The following CTNNA1 variants were observed in gnomAD, a reference collection of about 807,000 sequenced individuals.
The protein encoded by CTNNA1 is catenin alpha 1.
A neutral mutation model predicts 98.4 loss-of-function variants in CTNNA1; 37 were observed. The observed-to-expected ratio is 0.38, with a 90% CI of 0.29 to 0.49. The LOEUF (loss-of-function observed/expected upper bound fraction) is 0.49. Among genes scored for constraint, CTNNA1 ranks in the 20% least tolerant of loss-of-function variants. The probability of loss-of-function intolerance (pLI) is 0.95; values close to 1 mark genes in which losing one functional copy is unlikely to be tolerated. For missense variants in CTNNA1, 761 were observed against 1,147.2 expected, an observed-to-expected ratio of 0.66 and a Z score of 4.86; for synonymous variants, 404 against 413.2, an observed-to-expected ratio of 0.98 and a Z score of 0.27.
intron 11 of CTNNA1, among the ~76,000 whole-genome samples, chr5:138,921,596 ATT>A (rs386405098): frequency 6.7e-5 from 7 of 104,036 alleles, no homozygotes; most frequent in East Asian, 2.6e-4. Context: ...ATTAGTGGTG[ATT>A]TTTTTTTTTT....
Position 138,929,278 on chromosome 5 carries a change from G to A in CTNNA1, c.1932G>A (p.Glu644=), listed in dbSNP as rs1258599025. The change falls in exon 14 of 18, where the codon GAG becomes GAA. Residue 644 remains glutamate, a synonymous_variant. Coordinates refer to ENST00000302763, the MANE Select transcript of CTNNA1 (RefSeq NM_001903.5). Reference sequence around the variant, plus strand: ...AGGAGTTGGATGACTCTGACTTTGAGACAGAAGATTTTGATGTCAGAAGCA... The same window carrying A: ...AGGAGTTGGATGACTCTGACTTTGAAACAGAAGATTTTGATGTCAGAAGCA... ...TPEELDDSDF[E]TEDFDVRSRT... 6.2e-7 allele frequency: 1 copy of A among 1,610,206 alleles called. No individual in the cohort carries two copies. Among genetic ancestry groups the A allele is most frequent in the African/African-American group, 1.3e-5 (1 of 74,844 alleles).
At chr5:138,825,871 A>G (rs896433787) in intron 6 of CTNNA1, among the ~76,000 whole-genome samples, 1 of 152,180 alleles carries the variant, frequency 6.6e-6, no homozygotes, top group African/African-American at 2.4e-5. Context: ...GTTAAAATTT[A>G]CTAGCAATGT....
intron 1 of CTNNA1, among the ~76,000 whole-genome samples, chr5:138,772,545 C>G (rs983130153): frequency 2.6e-5 from 4 of 152,144 alleles, no homozygotes; most frequent in African/African-American, 7.2e-5. Flanking sequence ...TCTTGGGAGG[C>G]TTGTAAATAT....
intron 1 of CTNNA1, among the ~76,000 whole-genome samples, chr5:138,772,103 A>C (rs1753618300): frequency 6.6e-6 from 1 of 152,230 alleles, no homozygotes; most frequent in Non-Finnish European, 1.5e-5. Flanking sequence ...GCAGTTTGCC[A>C]GTTATCAGCC....
chr5:138,835,355 A>G (rs1326480821), intron 7 of CTNNA1, among the ~76,000 whole-genome samples: 1 of 152,210 alleles, frequency 6.6e-6, no homozygotes, highest in Non-Finnish European at 1.5e-5. Context: ...GTTTGCAGGT[A>G]CAGAGGCTGA....
chr5:138,778,212 T>C (rs1374887753), intron 1 of CTNNA1, among the ~76,000 whole-genome samples: 1 of 151,922 alleles, frequency 6.6e-6, no homozygotes, highest in Non-Finnish European at 1.5e-5. Context: ...ACCAGGATGG[T>C]TTCGATCTCC....
At chr5:138,806,085 C>T (rs1374705317) in intron 3 of CTNNA1, among the ~76,000 whole-genome samples, 1 of 152,162 alleles carries the variant, frequency 6.6e-6, no homozygotes, top group East Asian at 1.9e-4. Flanking sequence ...AGGGGTCCAA[C>T]TTAATTCTTT....
intron 10 of CTNNA1, among the ~76,000 whole-genome samples, chr5:138,905,842 A>T (rs1759130431): frequency 6.6e-6 from 1 of 152,236 alleles, no homozygotes; most frequent in African/African-American, 2.4e-5. Flanking sequence ...TCCCATGTGT[A>T]AATTGCTCAT....
intron 9 of CTNNA1, among the ~76,000 whole-genome samples, chr5:138,892,330 T>G (rs1055081807): frequency 5.1e-5 from 3 of 58,594 alleles, no homozygotes; most frequent in Non-Finnish European, 7.5e-5. Context: ...ATAGCTTAGT[T>G]TTTTTTTTTT....
chr5:138,930,705 C>A, intron 15 of CTNNA1, 51 bp downstream of exon 15: 1 of 1,584,352 alleles, frequency 6.3e-7, no homozygotes, highest in South Asian at 1.1e-5. Flanking sequence ...CTTTCTTCCC[C>A]ACAGGTCACC....
chr5:138,834,794 G>C (rs1308280279), intron 7 of CTNNA1, among the ~76,000 whole-genome samples: 3 of 152,204 alleles, frequency 2.0e-5, no homozygotes, highest in East Asian at 1.9e-4. Flanking sequence ...ACTTGCCTCT[G>C]TGTGAAGAGA....
rs758917236 is a variant in CTNNA1, at chr5:138,933,824, T to A, written c.2456T>A (p.Ile819Asn). 6.2e-7 allele frequency: 1 copy of A among 1,613,756 alleles called. No individual in the cohort carries two copies. The highest frequency in any genetic ancestry group is 8.5e-7 in the Non-Finnish European group (1 of 1,179,966). The change falls in exon 18 of 18, where the codon ATC (isoleucine) becomes AAC (asparagine). Residue 819 changes from isoleucine to asparagine, a missense_variant. Physicochemically the swap from Ile to Asn is moderately radical, Grantham distance 149. Transcript: ENST00000302763. ...VSGVDSAMSL[I>N]QAAKNLMNAV... ...TAGGTGGACAGCGCCATGTCCCTGA[T>A]CCAGGCAGCCAAGAACTTGATGAAT...
chr5:138,810,941 C>G (rs564774443), intron 4 of CTNNA1, among the ~76,000 whole-genome samples: 2 of 141,574 alleles, frequency 1.4e-5, no homozygotes, highest in Non-Finnish European at 3.2e-5. Context: ...ACCTCCCTCC[C>G]GGACGGGGCA....
chr5:138,781,472 C>T lies in CTNNA1; in HGVS notation c.-2-451C>T, dbSNP rs573751620. 6.6e-5 allele frequency among the ~76,000 whole-genome samples: 10 copies of T among 151,236 alleles called. No homozygotes were observed. The East Asian group carries it at 9.7e-4, about 15-fold the overall frequency. ...TTGGGAGGCTGAGGCCAGAGAATGG[C>T]GTGAACCCAGGAGGCGGAGCTTGCA... On this transcript the variant is annotated intron_variant, in intron 1 of 17. Transcript: ENST00000302763.
At chr5:138,828,997 G>A (rs1760995972) in intron 7 of CTNNA1, among the ~76,000 whole-genome samples, 1 of 152,086 alleles carries the variant, frequency 6.6e-6, no homozygotes, top group Non-Finnish European at 1.5e-5. Context: ...GGTGGCGCAC[G>A]CCTGGTCTCA....
At chr5:138,759,161 T>C (rs1442573894) in intron 1 of CTNNA1, among the ~76,000 whole-genome samples, 1 of 152,226 alleles carries the variant, frequency 6.6e-6, no homozygotes, top group Non-Finnish European at 1.5e-5. Flanking sequence ...TACTTTCCTG[T>C]ATCTTTGTAT....
intron 7 of CTNNA1, among the ~76,000 whole-genome samples, chr5:138,848,461 T>C (rs1561589434): frequency 6.6e-6 from 1 of 152,234 alleles, no homozygotes; most frequent in Non-Finnish European, 1.5e-5. Flanking sequence ...GCATTTATCA[T>C]TCTCCTCCAA....
chr5:138,924,456 C>T (rs1763580706), intron 11 of CTNNA1, 54 bp from the exon 12 acceptor site: 1 of 1,577,378 alleles, frequency 6.3e-7, no homozygotes, highest in Non-Finnish European at 8.7e-7. Context: ...CTTACAGTTG[C>T]CACCTTTTCA....
chr5:138,904,543 T>C, intron 10 of CTNNA1, 102 bp downstream of exon 10: 2 of 1,434,164 alleles, frequency 1.4e-6, no homozygotes, highest in Non-Finnish European at 1.9e-6. Context: ...TTTAGGATTT[T>C]AGATGGAAGT....
Sources: allele counts gnomAD v4.1 joint callset (sites outside exome capture counted in the v4.1 genomes callset), GRCh38; gene constraint gnomAD v4.1.1; transcripts MANE v1.5; gene names NCBI Gene and HGNC (gene_info 2026-07-23, HGNC 2026-07-21).